Variants in ITIH6 observed in about 807,000 individuals in gnomAD.
ITIH6 encodes inter-alpha-trypsin inhibitor heavy chain family member 6, also known as inter-alpha-trypsin inhibitor heavy chain H6.
In ITIH6, 60 loss-of-function variants were observed where a neutral mutation model predicts 58.2. That is an observed-to-expected ratio of 1.03 (90% CI 0.84 to 1.28). The LOEUF is 1.28. Ranked by LOEUF, ITIH6 falls within the 50% of genes most tolerant of loss-of-function variation. The probability of loss-of-function intolerance (pLI) is 0.00; values close to 1 mark genes in which losing one functional copy is unlikely to be tolerated. For synonymous variants in ITIH6, 493 were observed against 417.4 expected, an observed-to-expected ratio of 1.18 and a Z score of -2.21; for missense variants, 1,290 against 1,021.1, an observed-to-expected ratio of 1.26 and a Z score of -3.59.
At chrX:54,770,200 G>A (rs957729971) in intron 6 of ITIH6, among the ~76,000 whole-genome samples, 6 of 112,754 alleles carry the variant, frequency 5.3e-5, no homozygotes, top group African/African-American at 1.3e-4. Flanking sequence ...GTCCCCTTGC[G>A]CTTCCCAGGT....
chrX:54,750,105 C>A lies in ITIH6; in HGVS notation c.3732G>T (p.Gly1244=). The A allele has an allele frequency of 8.4e-7, 1 of 1,197,581 alleles. No individual in the cohort carries two copies. Among genetic ancestry groups the A allele is most frequent in the Non-Finnish European group, 1.1e-6 (1 of 886,355 alleles). Residue 1244 remains glycine, a splice_region_variant and synonymous_variant, in exon 13 of 13, where the codon GGG becomes GGT. Coordinates refer to ENST00000218436, the MANE Select transcript of ITIH6 (RefSeq NM_198510.3). ...GLSPSARGLI[G]QFQHADIRLV... ...GTCGGATGTCTGCGTGCTGGAACTG[C>A]CCTGAGGGAGAGAGATGCAGTGCTA...
chrX:54,749,955 C>T lies in ITIH6; in HGVS notation c.3882G>A (p.Leu1294=). The T allele has an allele frequency of 8.3e-7, 1 of 1,211,741 alleles. No individual in the cohort carries two copies. Among genetic ancestry groups the T allele is most frequent in the Non-Finnish European group, 1.1e-6 (1 of 895,453 alleles). ...GCAGCTCTACATGAGAGCGCTTCACCAGCCAGCAGGAAGCCCAGCGGGGCA... is the reference window on the plus strand; with the variant it reads ...GCAGCTCTACATGAGAGCGCTTCACTAGCCAGCAGGAAGCCCAGCGGGGCA... The part of the protein sequence containing the change: ...RLLPRWASCW[L]VKRSHVELLL... The change falls in exon 13 of 13, where the codon CTG becomes CTA. Residue 1294 remains leucine, a synonymous_variant. Coordinates refer to ENST00000218436, the MANE Select transcript of ITIH6 (RefSeq NM_198510.3).
At chrX:54,750,920 G>A (rs1928338600) in intron 12 of ITIH6, 83 bp downstream of exon 12, 5 of 966,602 alleles carry the variant, frequency 5.2e-6, no homozygotes, top group Non-Finnish European at 6.9e-6. Flanking sequence ...CTTCCTTGTT[G>A]GGGATATACA....
chrX:54,751,428 A>G (rs1200444540), intron 11 of ITIH6, 48 bp from the exon 12 acceptor site: 1 of 1,174,903 alleles, frequency 8.5e-7, no homozygotes, highest in African/African-American at 1.8e-5. Context: ...TTGCATGGTC[A>G]TTTACATGGT....
At chrX:54,768,239 G>T (rs1214412590) in intron 6 of ITIH6, among the ~76,000 whole-genome samples, 2 of 43,789 alleles carry the variant, frequency 4.6e-5, no homozygotes, top group Non-Finnish European at 7.6e-5. Flanking sequence ...TTTTCCATTT[G>T]CTTGGTAGAT....
chrX:54,767,796 G>A (rs1340534148), intron 6 of ITIH6, among the ~76,000 whole-genome samples: 1 of 92,478 alleles, frequency 1.1e-5, no homozygotes, highest in Non-Finnish European at 2.1e-5. Flanking sequence ...TTGCTGAGGA[G>A]AGCTTTACTT....
chrX:54,791,163 G>T, intron 3 of ITIH6, 79 bp from the exon 4 acceptor site: 2 of 1,055,846 alleles, frequency 1.9e-6, no homozygotes, highest in African/African-American at 3.7e-5. Flanking sequence ...ACCTAGTTTT[G>T]CTCCCCCCAA....
In ITIH6 at chrX:54,750,006, C is replaced by T; in HGVS notation, c.3831G>A (p.Arg1277=). 1 of 1,211,322 alleles carries T rather than the reference C, an allele frequency of 8.3e-7. No homozygotes were observed. The highest frequency in any genetic ancestry group is 1.1e-6 in the Non-Finnish European group (1 of 895,099). Residue 1277 remains arginine (R), a synonymous_variant, in exon 13 of 13, where the codon AGG becomes AGA. Coordinates refer to ENST00000218436, the MANE Select transcript of ITIH6 (RefSeq NM_198510.3). ...GCAGCCTTGGTGAGTCCTTCAGCAG[C>T]CTCTTGCCTAGAATCACAGGCACAT... ...GPDVPVILGK[R]LLKDSPRLLP... is the part of the protein sequence containing the mutation.
rs1161428654 is a variant in ITIH6, at chrX:54,758,869, G to C, written c.1205C>G (p.Ala402Gly). 1 of 1,209,373 alleles carries C rather than the reference G, an allele frequency of 8.3e-7. No individual in the cohort carries two copies. Among genetic ancestry groups the C allele is most frequent in the Non-Finnish European group, 1.1e-6 (1 of 895,039 alleles). ...IIFLTDGEPTAGVTTPSVILS... is the reference protein window; with the variant it reads ...IIFLTDGEPTGGVTTPSVILS... Reference sequence around the variant, plus strand: ...GATCACACTGGGGGTCGTCACGCCGGCCGTGGGCTCCCCATCCGTCAGGAA... The same window carrying C: ...GATCACACTGGGGGTCGTCACGCCGCCCGTGGGCTCCCCATCCGTCAGGAA... Residue 402 changes from alanine (A) to glycine (G), a missense_variant, in exon 8 of 13, where the codon GCC becomes GGC. Physicochemically the swap from Ala to Gly is moderately conservative, Grantham distance 60 (BLOSUM62 0). Transcript: ENST00000218436.
chrX:54,757,438 G>A lies in ITIH6; in HGVS notation c.2636C>T (p.Pro879Leu), dbSNP rs751250816. Reference protein sequence around the residue: ...ISLSKPETPNPHMPQTPLPPR... With the variant: ...ISLSKPETPNLHMPQTPLPPR... ...AGGTAGTGGGGTTTGAGGCATATGG[G>A]GGTTTGGGGTCTCAGGCTTGGAAAG... The change falls in exon 8 of 13, where the codon CCC becomes CTC. Residue 879 changes from proline to leucine, a missense_variant. Transcript: ENST00000218436. The A allele has an allele frequency of 6.6e-6, 8 of 1,208,279 alleles. No individual in the cohort carries two copies. Among genetic ancestry groups the A allele is most frequent in the Non-Finnish European group, 8.9e-6 (8 of 894,357 alleles).
intron 10 of ITIH6, 52 bp from the exon 11 acceptor site, chrX:54,753,816 A>G: frequency 9.0e-7 from 1 of 1,115,276 alleles, no homozygotes; most frequent in Non-Finnish European, 1.2e-6. Context: ...TGGAAGGGAG[A>G]GGGAAAGAGA....
chrX:54,758,792 C>A lies in ITIH6; in HGVS notation c.1282G>T (p.Ala428Ser). 1 of 1,209,640 alleles carries A rather than the reference C, an allele frequency of 8.3e-7. No individual in the cohort carries two copies. Among genetic ancestry groups the A allele is most frequent in the African/African-American group, 1.7e-5 (1 of 57,718 alleles). ...LGHRVSLFSL[A>S]FGDDADFTLL... is the part of the protein sequence containing the mutation. ...GTAAAGTCAGCATCATCCCCAAAGG[C>A]CAAGCTGAAAAGGGATACCCTGTGG... The change falls in exon 8 of 13, where the codon GCC (alanine) becomes TCC (serine). Residue 428 changes from alanine to serine, a missense_variant. Coordinates refer to ENST00000218436, the MANE Select transcript of ITIH6 (RefSeq NM_198510.3).
chrX:54,762,812 G>A (rs1441534205), intron 6 of ITIH6, among the ~76,000 whole-genome samples: 8 of 112,305 alleles, frequency 7.1e-5, no homozygotes, highest in Non-Finnish European at 1.5e-4. Flanking sequence ...CTAGCATAGG[G>A]CTAGGCCCAT....
intron 6 of ITIH6, among the ~76,000 whole-genome samples, chrX:54,767,687 G>A (rs1379090141): frequency 3.9e-5 from 4 of 103,658 alleles, no homozygotes; most frequent in African/African-American, 1.1e-4. Context: ...CAGTTTCCAT[G>A]TAGTTGAGCG....
rs961948477 is a variant in ITIH6, at chrX:54,785,218, G to A, written c.786+3262C>T. On this transcript the variant is annotated intron_variant, in intron 5 of 12. Transcript: ENST00000218436. ...CAGAGGCTGCGGGGAGTGGGGTAGCGGGGAGATGGGGGGTGGGGAAGGCAG... is the reference window on the plus strand; with the variant it reads ...CAGAGGCTGCGGGGAGTGGGGTAGCAGGGAGATGGGGGGTGGGGAAGGCAG... 7.4e-5 allele frequency among the ~76,000 whole-genome samples: 8 copies of A among 108,574 alleles called. No homozygotes were observed. The East Asian group carries it at 8.7e-4, about 12-fold the overall frequency. The allele number at this position is 108,574 out of a possible 115,157, so 94.3% of individuals were successfully genotyped here. A position where few individuals can be genotyped will look rare whatever the true frequency, so the allele number is the denominator to read the frequency against.
chrX:54,763,160 A>C (rs1383795472), intron 6 of ITIH6, among the ~76,000 whole-genome samples: 3 of 112,091 alleles, frequency 2.7e-5, no homozygotes, highest in Non-Finnish European at 5.6e-5. Context: ...CAGGAAGGAC[A>C]CTTGAGACCC....
chrX:54,777,305 G>A (rs1485791995), intron 5 of ITIH6, among the ~76,000 whole-genome samples: 2 of 112,658 alleles, frequency 1.8e-5, no homozygotes, highest in Non-Finnish European at 3.8e-5. Context: ...ACACCAGGTA[G>A]AATTCTAAGG....
In ITIH6 at chrX:54,756,946, T is replaced by A; in HGVS notation, c.3109+19A>T. On this transcript the variant is annotated intron_variant, in intron 8 of 12. Transcript: ENST00000218436. ...CATACCTCACCCTCATGGCTCGACC[T>A]CTTACCCATGGCACTCACCATCTTC... The A allele has an allele frequency of 1.8e-6, 2 of 1,086,089 alleles. No individual in the cohort carries two copies. Among genetic ancestry groups the A allele is most frequent in the Non-Finnish European group, 2.5e-6 (2 of 804,874 alleles). 89.5% of individuals were successfully genotyped at this position (1,086,089 alleles called of 1,213,427 possible).
intron 6 of ITIH6, among the ~76,000 whole-genome samples, chrX:54,772,157 C>A (rs1449019555): frequency 8.9e-6 from 1 of 112,271 alleles, no homozygotes; most frequent in Non-Finnish European, 1.9e-5. Flanking sequence ...CCATGAAATA[C>A]TATGCAGCCA....
Sources: gnomAD v4.1 joint callset for allele counts (sites outside exome capture counted in the v4.1 genomes callset) on GRCh38, gnomAD v4.1.1 for gene constraint, MANE v1.5 for transcripts, NCBI Gene and HGNC (gene_info 2026-07-23, HGNC 2026-07-21) for gene names.